Variants in ZNF41 observed in about 807,000 individuals in gnomAD.
The protein encoded by ZNF41 is zinc finger protein 41.
In ZNF41, 6 loss-of-function variants were observed where a neutral mutation model predicts 9.3. The ratio of observed to expected loss-of-function variants is 0.65; its 90% CI spans 0.35 to 1.28. The LOEUF (loss-of-function observed/expected upper bound fraction) is 1.28. Among genes scored for constraint, ZNF41 ranks in the 50% most tolerant of loss-of-function variants. The pLI is 0.03. For missense variants in ZNF41, 523 were observed against 585.8 expected (o/e 0.89, Z 1.11); for synonymous variants, 192 against 207.1 (o/e 0.93, Z 0.63).
At chrX:47,461,084 ATTTTC>A (rs1327455776) in intron 2 of ZNF41, among the ~76,000 whole-genome samples, 31 of 105,548 alleles carry the variant, frequency 2.9e-4, no homozygotes, top group Non-Finnish European at 4.9e-4. Context: ...AATTAAGGAT[ATTTTC>A]TTTTCTTTTC....
intron 1 of ZNF41, among the ~76,000 whole-genome samples, chrX:47,475,555 T>A (rs758968744): frequency 4.5e-5 from 5 of 111,642 alleles, no homozygotes; most frequent in African/African-American, 6.5e-5. Flanking sequence ...ACAAGAAAAC[T>A]ATAAGCAAAT....
At chrX:47,459,613 G>A (rs1420800754) in intron 2 of ZNF41, among the ~76,000 whole-genome samples, 2 of 107,071 alleles carry the variant, frequency 1.9e-5, no homozygotes, top group Admixed American at 1.0e-4. Flanking sequence ...GCATGGTTGC[G>A]TGTGCCTGTA....
chrX:47,447,800 T>C lies in ZNF41; in HGVS notation c.1970A>G (p.His657Arg). Residue 657 changes from histidine to arginine, a missense_variant, in exon 5 of 5, where the codon CAC (histidine) becomes CGC (arginine). Transcript: ENST00000684689. ...ACATATATTGGGCTTCTCACCTGTG[T>C]GGATTTTCTGATGCACACGGAGTTG... Reference protein sequence around the residue: ...KSQLRVHQKIHTGEKPNICAE... With the variant: ...KSQLRVHQKIRTGEKPNICAE... 2 of 1,211,612 alleles carry C rather than the reference T, an allele frequency of 1.7e-6. No homozygotes were observed. The highest frequency in any genetic ancestry group is 2.2e-6 in the Non-Finnish European group (2 of 895,495).
Position 47,447,400 on chromosome X carries a change from C to T in ZNF41, c.*30G>A. The T allele has an allele frequency of 2.5e-6, 3 of 1,207,631 alleles. No homozygotes were observed. Among genetic ancestry groups the T allele is most frequent in the Middle Eastern group, 2.3e-4 (1 of 4,352 alleles). On this transcript the variant is annotated 3_prime_UTR_variant, in exon 5 of 5. Coordinates refer to ENST00000684689, the MANE Select transcript of ZNF41 (RefSeq NM_001324144.2). ...CCTGCTATTAGATACCTGATGCATACCCAGTTGTGATTTCCAGGTGAAGAC... is the reference window on the plus strand; with the variant it reads ...CCTGCTATTAGATACCTGATGCATATCCAGTTGTGATTTCCAGGTGAAGAC...
intron 2 of ZNF41, among the ~76,000 whole-genome samples, chrX:47,462,079 C>T (rs2056816618): frequency 1.8e-5 from 2 of 109,481 alleles, no homozygotes; most frequent in East Asian, 5.7e-4. Flanking sequence ...TGGCTCACTG[C>T]AGCCTCAAAC....
chrX:47,462,962 CACACAT>C (rs1418188633), intron 2 of ZNF41, among the ~76,000 whole-genome samples: 28 of 104,196 alleles, frequency 2.7e-4, no homozygotes, highest in East Asian at 1.2e-3. Flanking sequence ...CACACACACA[CACACAT>C]ATGTGTACAC....
rs149654498 is a variant in ZNF41, at chrX:47,447,855, C to T, written c.1915G>A (p.Asp639Asn). 3.2e-5 allele frequency: 39 copies of T among 1,209,779 alleles called. No individual in the cohort carries two copies. The African/African-American group carries it at 3.3e-4, about 10-fold the overall frequency. ...HTGEKPYECS[D>N]CGKCFTKKSQ... ...TTCTTAGTGAAGCATTTCCCACAGT[C>T]GCTGCATTCATAAGGCTTCTCTCCA... is the stretch of plus-strand genomic sequence containing the variant. The change falls in exon 5 of 5, where the codon GAC becomes AAC. Residue 639 changes from aspartate (D) to asparagine (N), a missense_variant. Physicochemically the swap from Asp to Asn is conservative, Grantham distance 23. Transcript: ENST00000684689.
chrX:47,468,535 G>A (rs1452238608), intron 1 of ZNF41, among the ~76,000 whole-genome samples: 1 of 111,190 alleles, frequency 9.0e-6, no homozygotes, highest in Non-Finnish European at 1.9e-5. Context: ...GTCCCAAATG[G>A]TGTCATCAAC....
chrX:47,456,681 C>T (rs767196357), intron 2 of ZNF41, among the ~76,000 whole-genome samples: 6 of 112,028 alleles, frequency 5.4e-5, no homozygotes, highest in Admixed American at 3.8e-4. Flanking sequence ...AAACAAGATA[C>T]TGGCCGATTA....
At chrX:47,465,551 C>T (rs902225328) in intron 2 of ZNF41, among the ~76,000 whole-genome samples, 1 of 111,471 alleles carries the variant, frequency 9.0e-6, no homozygotes, top group African/African-American at 3.3e-5. Context: ...AATTATTATT[C>T]GTCAATTAAA....
chrX:47,462,944 T>TAC lies in ZNF41; in HGVS notation c.72+4465_72+4466insGT, dbSNP rs201480703. 9.1e-3 allele frequency among the ~76,000 whole-genome samples: 546 copies of TAC among 59,801 alleles called. 3 individuals are homozygous for TAC. Among genetic ancestry groups the TAC allele is most frequent in the African/African-American group, 0.026 (507 of 19,192 alleles). 51.9% of individuals were successfully genotyped at this position (59,801 alleles called of 115,157 possible). ...TATATATATCACACACATATATATA[T>TAC]ATACACACACACACACACACACATA... is the stretch of plus-strand genomic sequence containing the variant. On this transcript the variant is annotated intron_variant, in intron 2 of 4. Transcript: ENST00000684689.
intron 2 of ZNF41, among the ~76,000 whole-genome samples, chrX:47,457,721 C>T (rs2056622773): frequency 8.9e-6 from 1 of 112,057 alleles, no homozygotes; most frequent in African/African-American, 3.2e-5. Flanking sequence ...TCTGTAATCC[C>T]AGCTACTCGG....
In ZNF41 at chrX:47,448,593, A is replaced by G; in HGVS notation, c.1177T>C (p.Ser393Pro). The G allele has an allele frequency of 8.3e-7, 1 of 1,211,461 alleles. No individual in the cohort carries two copies. The highest frequency in any genetic ancestry group is 1.1e-6 in the Non-Finnish European group (1 of 895,456). ...TGTATACTGAGGTCTGAGTTCTGGG[A>G]GAAGCCTTTTCCACATTCACTGCAT... The part of the protein sequence containing the change: ...YECSECGKGF[S>P]QNSDLSIHQK... The change falls in exon 5 of 5, where the codon TCC becomes CCC. Residue 393 changes from serine to proline, a missense_variant. Ser to Pro is a moderately conservative substitution (Grantham distance 74). Coordinates refer to ENST00000684689, the MANE Select transcript of ZNF41 (RefSeq NM_001324144.2).
rs753145512 is a variant in ZNF41 at position 47,448,362 on chromosome X, T to C, written c.1408A>G (p.Ser470Gly). The C allele has an allele frequency of 8.3e-7, 1 of 1,211,676 alleles. No individual in the cohort carries two copies. Residue 470 changes from serine (S) to glycine (G), a missense_variant, in exon 5 of 5, where the codon AGT becomes GGT. Transcript: ENST00000684689. ...TTAGTGAAGGATTTCCCACAGTCAC[T>C]GCATTCATACGGCTTTTCTCCAGTA... The part of the protein sequence containing the change: ...IHTGEKPYEC[S>G]DCGKSFTKKS...
At chrX:47,468,654 G>T (rs2057070077) in intron 1 of ZNF41, among the ~76,000 whole-genome samples, 1 of 111,081 alleles carries the variant, frequency 9.0e-6, no homozygotes, top group Admixed American at 9.7e-5. Context: ...CCATTACAAA[G>T]CAACTCACAC....
rs1305794234 is a variant in ZNF41 at position 47,445,233 on chromosome X, C to T, written c.*2197G>A. 1.8e-5 allele frequency among the ~76,000 whole-genome samples: 2 copies of T among 111,561 alleles called. No individual in the cohort carries two copies. The highest frequency in any genetic ancestry group is 3.8e-5 in the Non-Finnish European group (2 of 53,146). On this transcript the variant is annotated 3_prime_UTR_variant, in exon 5 of 5. Coordinates refer to ENST00000684689, the MANE Select transcript of ZNF41 (RefSeq NM_001324144.2). ...TCATTAGGGCAGTGTAAATTAATAT[C>T]ACAATATAACTTCACATGTACTAGG...
At chrX:47,452,166 G>A (rs771686117) in intron 4 of ZNF41, among the ~76,000 whole-genome samples, 2 of 110,542 alleles carry the variant, frequency 1.8e-5, no homozygotes, top group African/African-American at 6.6e-5. Context: ...GCCAACATCT[G>A]GCTCCTGACG....
At chrX:47,476,150 C>T (rs2057327346) in intron 1 of ZNF41, among the ~76,000 whole-genome samples, 1 of 110,779 alleles carries the variant, frequency 9.0e-6, no homozygotes, top group South Asian at 3.8e-4. Context: ...GCCAGGAGCT[C>T]GAGACCAGCC....
At chrX:47,459,864 A>G (rs963454641) in intron 2 of ZNF41, among the ~76,000 whole-genome samples, 1 of 109,474 alleles carries the variant, frequency 9.1e-6, no homozygotes, top group African/African-American at 3.3e-5. Flanking sequence ...CATTGTTTGA[A>G]CCTGGGAGGC....
Sources: allele counts gnomAD v4.1 joint callset (sites outside exome capture counted in the v4.1 genomes callset), GRCh38; gene constraint gnomAD v4.1.1; transcripts MANE v1.5; gene names NCBI Gene and HGNC (gene_info 2026-07-23, HGNC 2026-07-21).